CHD6: variants seen among roughly 807,000 people sequenced by gnomAD.
CHD6 encodes the protein chromodomain helicase DNA binding protein 6.
Under a neutral mutation model 276.9 loss-of-function variants are expected in CHD6, and 50 were observed. The ratio of observed to expected loss-of-function variants is 0.18; its 90% CI spans 0.14 to 0.23. The LOEUF (loss-of-function observed/expected upper bound fraction) is 0.23, where lower values mean the gene tolerates loss of function less well. CHD6 is among the 10% of genes least tolerant of loss of function. The probability of loss-of-function intolerance (pLI) is 1.00; values close to 1 mark genes in which losing one functional copy is unlikely to be tolerated. For synonymous variants in CHD6, 1,173 were observed against 1,229.3 expected, an observed-to-expected ratio of 0.95 and a Z score of 0.96; for missense variants, 2,564 against 3,365.8, an observed-to-expected ratio of 0.76 and a Z score of 5.89.
At chr20:41,536,631 T>C (rs947777649) in intron 2 of CHD6, among the ~76,000 whole-genome samples, 2 of 152,240 alleles carry the variant, frequency 1.3e-5, no homozygotes, top group African/African-American at 2.4e-5. Flanking sequence ...ACCATTTCTA[T>C]ACCTTTTCAA....
intron 17 of CHD6, among the ~76,000 whole-genome samples, chr20:41,464,548 G>T (rs2042874672): frequency 6.6e-6 from 1 of 152,220 alleles, no homozygotes; most frequent in Non-Finnish European, 1.5e-5. Context: ...AAATAAGGAA[G>T]AGGAGGAGAC....
intron 5 of CHD6, 34 bp from the exon 6 acceptor site, chr20:41,499,391 TG>T: frequency 6.7e-7 from 1 of 1,497,588 alleles, no homozygotes; most frequent in Non-Finnish European, 9.1e-7. Context: ...AGAAAATTGC[TG>T]GAACCACAGA....
intron 1 of CHD6, among the ~76,000 whole-genome samples, chr20:41,557,323 A>G (rs2146173177): frequency 1.3e-5 from 2 of 152,332 alleles, no homozygotes; most frequent in Middle Eastern, 6.8e-3. Flanking sequence ...AAAAGCTCCC[A>G]TTCCTCTTAT....
intron 1 of CHD6, among the ~76,000 whole-genome samples, chr20:41,562,137 C>T (rs2045308575): frequency 1.3e-5 from 2 of 151,682 alleles, no homozygotes; most frequent in Admixed American, 1.3e-4. Flanking sequence ...TCATGTTCTA[C>T]TTTCTGAGAA....
At chr20:41,529,496 C>T (rs1419191242) in intron 3 of CHD6, among the ~76,000 whole-genome samples, 1 of 152,060 alleles carries the variant, frequency 6.6e-6, no homozygotes, top group Non-Finnish European at 1.5e-5. Flanking sequence ...TATGGAAGTT[C>T]AGAGGGGACA....
chr20:41,476,593 A>C (rs2043172505), intron 16 of CHD6, among the ~76,000 whole-genome samples: 1 of 152,214 alleles, frequency 6.6e-6, no homozygotes, highest in African/African-American at 2.4e-5. Flanking sequence ...TTAATTCAGT[A>C]AGAAATATGA....
chr20:41,582,704 T>A (rs951852046), intron 1 of CHD6, among the ~76,000 whole-genome samples: 1 of 152,220 alleles, frequency 6.6e-6, no homozygotes, highest in Admixed American at 6.5e-5. Context: ...GAGAGGAAAT[T>A]TAAAATAACA....
intron 1 of CHD6, among the ~76,000 whole-genome samples, chr20:41,556,149 G>A (rs936475603): frequency 2.0e-5 from 3 of 152,278 alleles, no homozygotes; most frequent in Admixed American, 1.3e-4. Context: ...GCACTCGGCA[G>A]GCTGAGGCAG....
At chr20:41,605,098 A>C (rs2146294192) in intron 1 of CHD6, among the ~76,000 whole-genome samples, 1 of 152,302 alleles carries the variant, frequency 6.6e-6, no homozygotes, top group South Asian at 2.1e-4. Context: ...TGGGTGAAGC[A>C]TTACTGTGTC....
At chr20:41,555,355 C>A in intron 1 of CHD6, among the ~76,000 whole-genome samples, 1 of 130,078 alleles carries the variant, frequency 7.7e-6, no homozygotes, top group South Asian at 2.6e-4. Context: ...GCCGGCCGGG[C>A]GGGGGGCCGA....
At chr20:41,428,153 T>G (rs909700766) in intron 27 of CHD6, among the ~76,000 whole-genome samples, 10 of 152,218 alleles carry the variant, frequency 6.6e-5, no homozygotes, top group South Asian at 2.1e-4. Context: ...ATGAATAGTT[T>G]TAGGCAAAAC....
In CHD6 at chr20:41,451,845, C is replaced by G; in HGVS notation, c.3504G>C (p.Gln1168His). The G allele has an allele frequency of 6.2e-7, 1 of 1,614,164 alleles. No individual in the cohort carries two copies. Among genetic ancestry groups the G allele is most frequent in the Non-Finnish European group, 8.5e-7 (1 of 1,180,016 alleles). The change falls in exon 22 of 37, where the codon CAG becomes CAC. Residue 1168 changes from glutamine (Q) to histidine (H), a missense_variant. This residue lies in a region of CHD6 where 515 missense variants were observed against 739.5 expected (regional missense o/e 0.70). Transcript: ENST00000373233. ...TCTCACCTGAGTGGTTCTGGAGGGTCTGGGCTTGCCCATCTTTGGTAGGTG... is the reference window on the plus strand; with the variant it reads ...TCTCACCTGAGTGGTTCTGGAGGGTGTGGGCTTGCCCATCTTTGGTAGGTG... The part of the protein sequence containing the change: ...LITPTKDGQA[Q>H]TLQNHSGLSA...
chr20:41,410,399 G>C (rs1489877450), intron 36 of CHD6, among the ~76,000 whole-genome samples: 1 of 152,130 alleles, frequency 6.6e-6, no homozygotes, highest in Non-Finnish European at 1.5e-5. Context: ...TGGACATTTG[G>C]GTCTCCAGAA....
chr20:41,427,610 A>G (rs867246835), intron 27 of CHD6, among the ~76,000 whole-genome samples: 1 of 152,224 alleles, frequency 6.6e-6, no homozygotes, highest in African/African-American at 2.4e-5. Context: ...AAAGGACAAG[A>G]GAGTCTTAGA....
intron 14 of CHD6, among the ~76,000 whole-genome samples, chr20:41,486,937 C>A (rs2043428913): frequency 1.3e-5 from 2 of 152,038 alleles, no homozygotes; most frequent in Admixed American, 1.3e-4. Flanking sequence ...TCAAATTGTA[C>A]TCTCTCCCTA....
At chr20:41,522,500 T>C (rs2044424684) in intron 3 of CHD6, among the ~76,000 whole-genome samples, 1 of 152,172 alleles carries the variant, frequency 6.6e-6, no homozygotes, top group African/African-American at 2.4e-5. Flanking sequence ...TCCCTGCAGA[T>C]TACTTATTAG....
intron 1 of CHD6, among the ~76,000 whole-genome samples, chr20:41,585,601 A>G (rs891025741): frequency 6.6e-6 from 1 of 152,122 alleles, no homozygotes; most frequent in African/African-American, 2.4e-5. Context: ...CCTTCCAACA[A>G]AGAGAACTCC....
chr20:41,560,351 C>T (rs1225814873), intron 1 of CHD6, among the ~76,000 whole-genome samples: 1 of 152,192 alleles, frequency 6.6e-6, no homozygotes, highest in Non-Finnish European at 1.5e-5. Flanking sequence ...CCTGTGGGTT[C>T]CGACTCCTGC....
chr20:41,448,312 A>G (rs2048131544), intron 23 of CHD6, among the ~76,000 whole-genome samples: 1 of 152,230 alleles, frequency 6.6e-6, no homozygotes, highest in Non-Finnish European at 1.5e-5. Context: ...GAGGCCAGCT[A>G]CTGAAGAGTG....
Sources: gnomAD v4.1 joint callset for allele counts (sites outside exome capture counted in the v4.1 genomes callset) on GRCh38, gnomAD v4.1.1 for gene constraint, gnomAD v4.1.1 regional missense constraint, MANE v1.5 for transcripts, NCBI Gene and HGNC (gene_info 2026-07-23, HGNC 2026-07-21) for gene names.